Variants in PRKCH observed in about 807,000 individuals in gnomAD.
The protein encoded by PRKCH is protein kinase C eta.
Under a neutral mutation model 82.5 loss-of-function variants are expected in PRKCH, and 28 were observed. The observed-to-expected ratio is 0.34, with a 90% CI of 0.25 to 0.47. PRKCH has a LOEUF of 0.47. Ranked by LOEUF, PRKCH falls within the 20% of genes least tolerant of loss-of-function variation. The pLI is 1.00. For synonymous variants in PRKCH, 322 were observed against 327.4 expected, an observed-to-expected ratio of 0.98 and a Z score of 0.18; for missense variants, 705 against 881.8, an observed-to-expected ratio of 0.80 and a Z score of 2.54.
At chr14:61,477,947 G>A (rs986999707) in intron 9 of PRKCH, among the ~76,000 whole-genome samples, 3 of 152,068 alleles carry the variant, frequency 2.0e-5, no homozygotes, top group Non-Finnish European at 4.4e-5. Flanking sequence ...GTGTACCTCC[G>A]CCAGTCTTGG....
At chr14:61,453,080 G>T (rs1317206124) in intron 6 of PRKCH, 146 bp from the exon 7 acceptor site, 1 of 1,000,050 alleles carries the variant, frequency 1.0e-6, no homozygotes, top group Non-Finnish European at 1.5e-6. Context: ...TATTACTAGT[G>T]TGAGCTTAAT....
At chr14:61,264,791 A>C (rs1213459882) in intron 1 of PRKCH, among the ~76,000 whole-genome samples, 1 of 152,104 alleles carries the variant, frequency 6.6e-6, no homozygotes, top group Non-Finnish European at 1.5e-5. Flanking sequence ...AAGATCAGTG[A>C]CCTTTTTGGG....
At chr14:61,290,241 A>G (rs2351808) in intron 1 of PRKCH, among the ~76,000 whole-genome samples, 151,508 of 151,598 alleles carry the variant, frequency 1, 75,709 homozygotes, top group Middle Eastern at 1. Context: ...GCAGTGAGCC[A>G]AGATCACACC....
intron 12 of PRKCH, among the ~76,000 whole-genome samples, chr14:61,546,912 A>G (rs1410626659): frequency 6.6e-6 from 1 of 152,256 alleles, no homozygotes; most frequent in Non-Finnish European, 1.5e-5. Context: ...GAAGTGATCA[A>G]AACACCTTTC....
chr14:61,202,950 T>C (rs942306527), intron 1 of PRKCH, among the ~76,000 whole-genome samples: 1 of 152,138 alleles, frequency 6.6e-6, no homozygotes, highest in Non-Finnish European at 1.5e-5. Flanking sequence ...AAATGCACAA[T>C]GTCATGCGTC....
intron 1 of PRKCH, among the ~76,000 whole-genome samples, chr14:61,342,647 T>C (rs1234446407): frequency 1.3e-5 from 2 of 152,220 alleles, no homozygotes; most frequent in East Asian, 1.9e-4. Flanking sequence ...CCTTTGCCAG[T>C]GTCACTGTTG....
chr14:61,198,366 C>T (rs575436542), intron 1 of PRKCH, among the ~76,000 whole-genome samples: 4 of 152,278 alleles, frequency 2.6e-5, no homozygotes, highest in Admixed American at 2.0e-4. Context: ...TTCCATCCTC[C>T]ATGCCTTATG....
intron 1 of PRKCH, among the ~76,000 whole-genome samples, chr14:61,366,266 A>G (rs147634701): frequency 2.0e-5 from 3 of 152,130 alleles, no homozygotes; most frequent in East Asian, 1.9e-4. Flanking sequence ...TTAAATTAGC[A>G]TATTGCCAGA....
At chr14:61,250,231 A>G (rs1354430737) in intron 1 of PRKCH, among the ~76,000 whole-genome samples, 1 of 146,952 alleles carries the variant, frequency 6.8e-6, no homozygotes, top group Non-Finnish European at 1.5e-5. Context: ...AGTGAGACTC[A>G]GTCTCAAAAA....
intron 2 of PRKCH, among the ~76,000 whole-genome samples, chr14:61,407,428 G>T (rs1384362549): frequency 6.6e-6 from 1 of 152,166 alleles, no homozygotes; most frequent in East Asian, 1.9e-4. Context: ...ACTTCAGAAA[G>T]AATTCATCGA....
chr14:61,410,731 G>A (rs1251370938), intron 2 of PRKCH, among the ~76,000 whole-genome samples: 1 of 152,124 alleles, frequency 6.6e-6, no homozygotes, highest in African/African-American at 2.4e-5. Flanking sequence ...GTTACCTGTA[G>A]GCAACGCACC....
chr14:61,474,504 G>C (rs997840720), intron 9 of PRKCH, among the ~76,000 whole-genome samples: 1 of 152,030 alleles, frequency 6.6e-6, no homozygotes, highest in Non-Finnish European at 1.5e-5. Flanking sequence ...TCATAGGTGG[G>C]AGTTGAACAC....
chr14:61,482,790 G>A (rs1886037864), intron 9 of PRKCH, among the ~76,000 whole-genome samples: 1 of 152,222 alleles, frequency 6.6e-6, no homozygotes. Flanking sequence ...CTGAGAATCT[G>A]CCTCCAGGGC....
chr14:61,280,989 G>T lies in PRKCH; in HGVS notation c.-19+93321G>T. The T allele has an allele frequency of 6.5e-7, 1 of 1,542,360 alleles. No individual in the cohort carries two copies. The highest frequency in any genetic ancestry group is 1.2e-5 in the South Asian group (1 of 83,566). On this transcript the variant is annotated intron_variant, in intron 1 of 3. Transcript: ENST00000555185. This position sits in a 1 kb window ranked among gnomAD's most constrained non-coding sequence, Gnocchi z 5.0. Reference sequence around the variant, plus strand: ...CCTTGATGCCGTTGGAGGAGTAGTAGAGGCCCAGGCCCAGGCCGATGAAGG... The same window carrying T: ...CCTTGATGCCGTTGGAGGAGTAGTATAGGCCCAGGCCCAGGCCGATGAAGG...
At chr14:61,394,935 A>G (rs1257750507) in intron 2 of PRKCH, among the ~76,000 whole-genome samples, 1 of 152,208 alleles carries the variant, frequency 6.6e-6, no homozygotes, top group Non-Finnish European at 1.5e-5. Flanking sequence ...GCTGATAAGG[A>G]AAACAGTTAA....
intron 1 of PRKCH, among the ~76,000 whole-genome samples, chr14:61,324,938 G>T (rs535164477): frequency 1.4e-3 from 219 of 152,190 alleles, no homozygotes; most frequent in African/African-American, 4.6e-3. Flanking sequence ...GAAGTTGCAG[G>T]TTCAAAAAAC....
chr14:61,548,771 A>T (rs1403729684), intron 13 of PRKCH, among the ~76,000 whole-genome samples: 3 of 151,652 alleles, frequency 2.0e-5, no homozygotes, highest in Non-Finnish European at 4.4e-5. Flanking sequence ...GCTGAAGTAG[A>T]AGGATTGCTT....
chr14:61,406,111 G>C (rs1247353665), intron 2 of PRKCH, among the ~76,000 whole-genome samples: 4 of 152,084 alleles, frequency 2.6e-5, no homozygotes, highest in African/African-American at 9.7e-5. Flanking sequence ...GGCCAATTTG[G>C]ATATCCCTGT....
At chr14:61,197,805 G>T (rs1306280274) in intron 1 of PRKCH, among the ~76,000 whole-genome samples, 1 of 152,124 alleles carries the variant, frequency 6.6e-6, no homozygotes. Context: ...TGCTTGAAAA[G>T]GTGATCGGAA....
Sources: allele counts gnomAD v4.1 joint callset (sites outside exome capture counted in the v4.1 genomes callset), GRCh38; gene constraint gnomAD v4.1.1; non-coding constraint Gnocchi (gnomAD v3.1); transcripts MANE v1.5; gene names NCBI Gene and HGNC (gene_info 2026-07-23, HGNC 2026-07-21).